DCLK2: variants seen among roughly 807,000 people sequenced by gnomAD.
DCLK2 encodes the protein serine/threonine-protein kinase DCLK2.
In DCLK2, 31 loss-of-function variants were observed where a neutral mutation model predicts 78.4. The observed-to-expected ratio is 0.40, with a 90% CI of 0.30 to 0.53. DCLK2 has a LOEUF of 0.53. Ranked by LOEUF, DCLK2 falls within the 20% of genes least tolerant of loss-of-function variation. DCLK2 has a pLI of 0.61. For synonymous variants in DCLK2, 407 were observed against 374.9 expected (o/e 1.09, Z -0.99); for missense variants, 872 against 973.7 (o/e 0.90, Z 1.39).
chr4:150,147,618 A>G (rs1278493613), intron 2 of DCLK2, among the ~76,000 whole-genome samples: 10 of 152,056 alleles, frequency 6.6e-5, no homozygotes. Flanking sequence ...TGTAAATTGT[A>G]TTCCCTTCAA....
chr4:150,194,343 T>C (rs1245637592), intron 3 of DCLK2, among the ~76,000 whole-genome samples: 2 of 152,286 alleles, frequency 1.3e-5, no homozygotes, highest in Admixed American at 6.5e-5. Context: ...GTTTACACCA[T>C]GATGTTCACA....
At chr4:150,171,368 C>A (rs1393216969) in intron 2 of DCLK2, among the ~76,000 whole-genome samples, 1 of 152,122 alleles carries the variant, frequency 6.6e-6, no homozygotes, top group East Asian at 1.9e-4. Flanking sequence ...GTAGTGCCAG[C>A]TACTTGGGAG....
At chr4:150,171,816 C>A (rs527377458) in intron 2 of DCLK2, among the ~76,000 whole-genome samples, 7 of 152,294 alleles carry the variant, frequency 4.6e-5, no homozygotes, top group African/African-American at 1.7e-4. Flanking sequence ...TTAGTTCTTC[C>A]GTGATTATAC....
intron 2 of DCLK2, among the ~76,000 whole-genome samples, chr4:150,135,281 G>T (rs1369441424): frequency 6.6e-6 from 1 of 152,050 alleles, no homozygotes; most frequent in Non-Finnish European, 1.5e-5. Context: ...ACTTTTAAAA[G>T]TCCTGAAGTG....
At chr4:150,090,266 C>T (rs975481231) in intron 1 of DCLK2, among the ~76,000 whole-genome samples, 26 of 152,096 alleles carry the variant, frequency 1.7e-4, no homozygotes, top group African/African-American at 5.6e-4. Context: ...ATTAGCTGAG[C>T]GTGGTGGCGC....
At chr4:150,086,097 G>A (rs1173425458) in intron 1 of DCLK2, among the ~76,000 whole-genome samples, 1 of 152,134 alleles carries the variant, frequency 6.6e-6, no homozygotes, top group African/African-American at 2.4e-5. Flanking sequence ...TCGTGAAAGG[G>A]AAAATTACAA....
At chr4:150,135,029 A>G (rs895127352) in intron 2 of DCLK2, among the ~76,000 whole-genome samples, 2 of 152,220 alleles carry the variant, frequency 1.3e-5, no homozygotes, top group Non-Finnish European at 2.9e-5. Flanking sequence ...ATTCTGATTT[A>G]ATTCATTTTA....
chr4:150,190,236 T>TAGATAGAC (rs1738321122), intron 2 of DCLK2, among the ~76,000 whole-genome samples: 1 of 25,330 alleles, frequency 3.9e-5, no homozygotes, highest in Non-Finnish European at 6.4e-5. Flanking sequence ...GATGGATAGT[T>TAGATAGAC]AGATAGATAG....
At chr4:150,124,361 T>C (rs1211404797) in intron 2 of DCLK2, among the ~76,000 whole-genome samples, 1 of 152,216 alleles carries the variant, frequency 6.6e-6, no homozygotes, top group Admixed American at 6.5e-5. Flanking sequence ...TAGTGGTTTA[T>C]GGCAGGCTTC....
At chr4:150,187,415 C>G (rs966821593) in intron 2 of DCLK2, among the ~76,000 whole-genome samples, 4 of 152,196 alleles carry the variant, frequency 2.6e-5, no homozygotes, top group Admixed American at 1.3e-4. Context: ...TTCTTTCCCT[C>G]TGCCTGGAAC....
chr4:150,199,152 T>G, intron 4 of DCLK2: 3 of 1,327,744 alleles, frequency 2.3e-6, no homozygotes, highest in Non-Finnish European at 3.1e-6. Flanking sequence ...TTCTGTTTCC[T>G]TTTGCTCCAT....
At chr4:150,192,478 C>CAAA (rs56235708) in intron 2 of DCLK2, among the ~76,000 whole-genome samples, 76,440 of 112,162 alleles carry the variant, frequency 0.68, 28,206 homozygotes, top group Non-Finnish European at 0.83. Flanking sequence ...GATTGCGTCT[C>CAAA]AAAAAAAAAA....
chr4:150,185,109 A>C (rs1257477580), intron 2 of DCLK2, among the ~76,000 whole-genome samples: 2 of 152,208 alleles, frequency 1.3e-5, no homozygotes, highest in Non-Finnish European at 2.9e-5. Context: ...AAAGAGGTTT[A>C]ATTGACTCAC....
At chr4:150,094,582 T>C in intron 1 of DCLK2, among the ~76,000 whole-genome samples, 1 of 152,210 alleles carries the variant, frequency 6.6e-6, no homozygotes, top group East Asian at 1.9e-4. Context: ...TCTCAGACCA[T>C]GCATGAGGCC....
At chr4:150,184,109 T>C (rs1216849532) in intron 2 of DCLK2, among the ~76,000 whole-genome samples, 1 of 152,224 alleles carries the variant, frequency 6.6e-6, no homozygotes, top group Non-Finnish European at 1.5e-5. Flanking sequence ...TATGTAATGC[T>C]GGAATTATAG....
intron 1 of DCLK2, among the ~76,000 whole-genome samples, chr4:150,096,449 C>T (rs1336288416): frequency 6.6e-6 from 1 of 152,094 alleles, no homozygotes; most frequent in Non-Finnish European, 1.5e-5. Flanking sequence ...ATGTTTGATT[C>T]CTCAGAGTGT....
intron 2 of DCLK2, among the ~76,000 whole-genome samples, chr4:150,115,047 T>C (rs532208794): frequency 6.6e-6 from 1 of 152,360 alleles, no homozygotes; most frequent in Non-Finnish European, 1.5e-5. Context: ...GGCCATTTTA[T>C]ATAATCCTGT....
At chr4:150,149,650 A>G (rs1018624911) in intron 2 of DCLK2, among the ~76,000 whole-genome samples, 1 of 152,232 alleles carries the variant, frequency 6.6e-6, no homozygotes, top group Admixed American at 6.5e-5. Flanking sequence ...ACTTAAGGTC[A>G]TTTGGCAGAC....
intron 5 of DCLK2, among the ~76,000 whole-genome samples, chr4:150,215,130 A>G (rs9307871): frequency 0.88 from 133,510 of 152,128 alleles, 58,989 homozygotes; most frequent in Middle Eastern, 0.96. Context: ...TGAAATATTA[A>G]GGAAAATCTT....
Sources: allele counts gnomAD v4.1 joint callset (sites outside exome capture counted in the v4.1 genomes callset), GRCh38; gene constraint gnomAD v4.1.1; transcripts MANE v1.5; gene names NCBI Gene and HGNC (gene_info 2026-07-23, HGNC 2026-07-21).